Variants in CFAP20DC observed in about 807,000 individuals in gnomAD.
The protein encoded by CFAP20DC is protein CFAP20DC.
CFAP20DC carries 84 observed loss-of-function variants against 101.7 expected under a neutral mutation model. The observed-to-expected ratio is 0.83, with a 90% confidence interval of 0.69 to 0.99. CFAP20DC has a LOEUF of 0.99. Among genes scored for constraint, CFAP20DC ranks in the 50% least tolerant of loss-of-function variants. The probability of loss-of-function intolerance (pLI) is 0.00; values close to 1 mark genes in which losing one functional copy is unlikely to be tolerated. For missense variants in CFAP20DC, 1,007 were observed against 970.3 expected, an observed-to-expected ratio of 1.04 and a Z score of -0.50; for synonymous variants, 359 against 351.2, an observed-to-expected ratio of 1.02 and a Z score of -0.25.
intron 4 of CFAP20DC, among the ~76,000 whole-genome samples, chr3:58,962,834 G>A (rs933187690): frequency 5.3e-5 from 8 of 152,036 alleles, no homozygotes; most frequent in African/African-American, 1.4e-4. Flanking sequence ...ATGTGAGCAC[G>A]TAGCTTCCTG....
At chr3:58,857,691 G>A (rs1377343805) in intron 12 of CFAP20DC, among the ~76,000 whole-genome samples, 1 of 152,158 alleles carries the variant, frequency 6.6e-6, no homozygotes, top group African/African-American at 2.4e-5. Flanking sequence ...TGGGATGAAT[G>A]AGAAAGGCAA....
At position 58,732,621 on chromosome 3, in the gene CFAP20DC, T is replaced by C. The variant is rs74834583; in HGVS notation, c.198-14993A>G. On this transcript the variant is annotated intron_variant, in intron 3 of 3. Transcript: ENST00000486145. The surrounding 1 kb of genome is among the most constrained non-coding windows in gnomAD (Gnocchi z 5.4). Reference sequence around the variant, plus strand: ...TAAAACCGAATGGTGCTAGAATTAGTAGGAGAATTAAGAGAGTAAGGAGAA... The same window carrying C: ...TAAAACCGAATGGTGCTAGAATTAGCAGGAGAATTAAGAGAGTAAGGAGAA... Among the ~76,000 whole-genome samples the C allele has an allele frequency of 2.6e-5, 4 of 152,082 alleles. No homozygotes were observed. Among genetic ancestry groups the C allele is most frequent in the Admixed American group, 2.0e-4 (3 of 15,270 alleles).
At chr3:58,809,754 G>C (rs2074443983) in intron 14 of CFAP20DC, among the ~76,000 whole-genome samples, 1 of 152,074 alleles carries the variant, frequency 6.6e-6, no homozygotes, top group Non-Finnish European at 1.5e-5. Flanking sequence ...AAAAATTAAT[G>C]AATCCAGGAG....
intron 1 of CFAP20DC, among the ~76,000 whole-genome samples, chr3:59,047,560 T>C (rs1473242594): frequency 6.6e-6 from 1 of 152,214 alleles, no homozygotes; most frequent in African/African-American, 2.4e-5. Flanking sequence ...TACAGATCAT[T>C]CTTGCAAAAC....
intron 15 of CFAP20DC, among the ~76,000 whole-genome samples, chr3:58,758,574 C>T (rs893236443): frequency 1.3e-5 from 2 of 152,086 alleles, no homozygotes; most frequent in African/African-American, 4.8e-5. Flanking sequence ...TTTTAGGGTA[C>T]ATGTGCACAA....
At position 58,913,325 on chromosome 3, in the gene CFAP20DC, C is replaced by G. The variant is rs1358351292; in HGVS notation, c.550+383G>C. The stretch of plus-strand genomic sequence containing the variant: ...GTGGGAGAGGCTGGATTCTTCTTGA[C>G]TATAGGCTCTCAGCTGACTCTCTAA... On this transcript the variant is annotated intron_variant, in intron 6 of 16. Transcript: ENST00000482387. This position sits in a 1 kb window ranked among gnomAD's most constrained non-coding sequence, Gnocchi z 4.4. Among the ~76,000 whole-genome samples the G allele has an allele frequency of 1.3e-5, 2 of 152,084 alleles. No homozygotes were observed. Among genetic ancestry groups the G allele is most frequent in the African/African-American group, 4.8e-5 (2 of 41,420 alleles).
chr3:58,839,148 T>G (rs1165147396), intron 13 of CFAP20DC, among the ~76,000 whole-genome samples: 1 of 152,258 alleles, frequency 6.6e-6, no homozygotes, highest in Admixed American at 6.5e-5. Context: ...AACATTTGTG[T>G]GTGCTTTTGC....
chr3:58,835,108 G>C (rs2076649342), intron 13 of CFAP20DC, among the ~76,000 whole-genome samples: 1 of 151,990 alleles, frequency 6.6e-6, no homozygotes, highest in African/African-American at 2.4e-5. Flanking sequence ...CCTTCTTCCA[G>C]TCTTTCATCC....
At chr3:58,950,627 C>T (rs1576453428) in intron 4 of CFAP20DC, among the ~76,000 whole-genome samples, 1 of 152,176 alleles carries the variant, frequency 6.6e-6, no homozygotes. Context: ...ACCATCTGAT[C>T]TTTGACAAAC....
Position 58,861,525 on chromosome 3 carries a change from T to C in CFAP20DC, c.1593+2033A>G, listed in dbSNP as rs1054199369. 8.3e-5 allele frequency: 81 copies of C among 970,260 alleles called. No individual in the cohort carries two copies. The African/African-American group carries it at 1.3e-3, about 16-fold the overall frequency. The allele number at this position is 970,260 out of a possible 1,614,324, so 60.1% of individuals were successfully genotyped here. ...AGAAGCTATCCTACAGGAAAAGAAATTACCAAAAGTACAAAAGAAAAAATC... is the reference window on the plus strand; with the variant it reads ...AGAAGCTATCCTACAGGAAAAGAAACTACCAAAAGTACAAAAGAAAAAATC... On this transcript the variant is annotated intron_variant, in intron 12 of 16. Transcript: ENST00000482387. The surrounding 1 kb of genome is among the most constrained non-coding windows in gnomAD (Gnocchi z 4.0).
At chr3:58,955,363 G>C (rs971745663) in intron 4 of CFAP20DC, among the ~76,000 whole-genome samples, 1 of 152,138 alleles carries the variant, frequency 6.6e-6, no homozygotes, top group Admixed American at 6.5e-5. Flanking sequence ...CCCCATGTTC[G>C]GTTGTGGCAG....
intron 15 of CFAP20DC, among the ~76,000 whole-genome samples, chr3:58,775,619 G>C (rs186359955): frequency 1.6e-4 from 24 of 152,098 alleles, no homozygotes; most frequent in African/African-American, 5.5e-4. Context: ...GAAAGAGAAG[G>C]GTAAACATGG....
Position 58,721,537 on chromosome 3 carries a change from G to T in CFAP20DC, c.198-3909C>A, listed in dbSNP as rs1208167613. Among the ~76,000 whole-genome samples the T allele has an allele frequency of 6.6e-6, 1 of 152,170 alleles. No homozygotes were observed. The highest frequency in any genetic ancestry group is 1.5e-5 in the Non-Finnish European group (1 of 68,018). ...TACGGGGGCATTAATACATGCAACA[G>T]GGAAGGAAGGGAGCAAGTCGTAGCA... On this transcript the variant is annotated intron_variant, in intron 3 of 3. Coordinates refer to the CFAP20DC transcript ENST00000486145. This position sits in a 1 kb window ranked among gnomAD's most constrained non-coding sequence, Gnocchi z 5.2.
At chr3:58,885,359 T>C (rs1365345017) in intron 6 of CFAP20DC, among the ~76,000 whole-genome samples, 3 of 152,132 alleles carry the variant, frequency 2.0e-5, no homozygotes, top group Non-Finnish European at 4.4e-5. Flanking sequence ...AATTGCTTTT[T>C]AATTGACAAA....
chr3:58,760,834 CATTT>C (rs1250767827), intron 15 of CFAP20DC, among the ~76,000 whole-genome samples: 2 of 152,108 alleles, frequency 1.3e-5, no homozygotes, highest in African/African-American at 4.8e-5. Flanking sequence ...TGCTGGATTA[CATTT>C]ATTTATTTGC....
intron 4 of CFAP20DC, among the ~76,000 whole-genome samples, chr3:58,974,668 G>C (rs1458980460): frequency 6.6e-6 from 1 of 152,104 alleles, no homozygotes; most frequent in East Asian, 1.9e-4. Context: ...ATGGAACATA[G>C]GCTGTACAGG....
intron 4 of CFAP20DC, among the ~76,000 whole-genome samples, chr3:58,946,891 C>T (rs773864260): frequency 6.6e-6 from 1 of 152,172 alleles, no homozygotes; most frequent in African/African-American, 2.4e-5. Context: ...CCAGAACCTG[C>T]ATACCATTTT....
intron 15 of CFAP20DC, among the ~76,000 whole-genome samples, chr3:58,800,290 C>G (rs2073595030): frequency 6.6e-6 from 1 of 152,180 alleles, no homozygotes; most frequent in Non-Finnish European, 1.5e-5. Context: ...GAGGTGATGG[C>G]AACCTGCACT....
chr3:58,992,066 G>C (rs1415688865), intron 4 of CFAP20DC, among the ~76,000 whole-genome samples: 4 of 152,088 alleles, frequency 2.6e-5, no homozygotes, highest in African/African-American at 9.7e-5. Context: ...CTATGAAATG[G>C]GTTAGCATTG....
Sources: allele counts gnomAD v4.1 joint callset (sites outside exome capture counted in the v4.1 genomes callset), GRCh38; gene constraint gnomAD v4.1.1; non-coding constraint Gnocchi (gnomAD v3.1); transcripts MANE v1.5; gene names NCBI Gene and HGNC (gene_info 2026-07-23, HGNC 2026-07-21).